The following PSMD6 variants were observed in gnomAD, a reference collection of about 807,000 sequenced individuals.
PSMD6 encodes proteasome 26S subunit, non-ATPase 6, also known as 26S proteasome non-ATPase regulatory subunit 6.
Under a neutral mutation model 44.9 loss-of-function variants are expected in PSMD6, and 7 were observed. The observed-to-expected ratio is 0.16, with a 90% CI of 0.09 to 0.29. The LOEUF is 0.29. Among genes scored for constraint, PSMD6 ranks in the 10% least tolerant of loss-of-function variants. PSMD6 has a pLI of 1.00. For missense variants in PSMD6, 420 were observed against 482.6 expected, an observed-to-expected ratio of 0.87 and a Z score of 1.21; for synonymous variants, 184 against 172.7, an observed-to-expected ratio of 1.07 and a Z score of -0.51.
intron 5 of PSMD6, chr3:64,016,481 G>A (rs1459643630): frequency 6.6e-6 from 1 of 151,702 alleles, no homozygotes; most frequent in African/African-American, 2.4e-5. Flanking sequence ...CATAAGTTCT[G>A]CTCCCAGAAA....
Position 64,018,877 on chromosome 3 carries a change from C to G in PSMD6, c.658G>C (p.Val220Leu). The change falls in exon 4 of 8, where the codon GTG (valine) becomes CTG (leucine). Residue 220 changes from valine to leucine, a missense_variant. By Grantham distance (32) the Val-to-Leu change is conservative. Around this residue, in one of 4 missense-constraint regions of PSMD6, gnomAD observed 216 missense variants for 227.0 expected, o/e 0.95. Transcript: ENST00000295901. ...SYELMDYKTF[V>L]TYTVYVSMIA... ...ATACTGACATAGACAGTATAAGTCA[C>G]AAATGTTTTATAATCCATGAGTTCA... 1 of 1,599,418 alleles carries G rather than the reference C, an allele frequency of 6.3e-7. No homozygotes were observed. Among genetic ancestry groups the G allele is most frequent in the South Asian group, 1.1e-5 (1 of 90,746 alleles).
At chr3:64,022,249 C>T (rs2076144197) in intron 2 of PSMD6, 69 bp downstream of exon 2, 2 of 1,518,968 alleles carry the variant, frequency 1.3e-6, no homozygotes, top group East Asian at 2.3e-5. Context: ...TAATGAGAAA[C>T]GATTACCTGG....
In PSMD6 at chr3:64,018,368, A is replaced by C. The variant is rs147982279; in HGVS notation, c.826+231T>G. On this transcript the variant is annotated intron_variant, in intron 5 of 7. Transcript: ENST00000295901. ...TCCGTCACATCCTCCTTTTTTAAAC[A>C]ACACTTTAAAAATGTAAAAATCATT... The C allele has an allele frequency of 1.1e-5, 4 of 365,650 alleles. No individual in the cohort carries two copies. In the East Asian group the frequency reaches 1.9e-4, roughly 18 times the overall value. 22.7% of individuals were successfully genotyped at this position (365,650 alleles called of 1,614,324 possible).
chr3:64,022,566 C>G, intron 1 of PSMD6, 43 bp from the exon 2 acceptor site: 4 of 1,608,970 alleles, frequency 2.5e-6, no homozygotes, highest in Non-Finnish European at 3.4e-6. Context: ...GACACTTGTG[C>G]CCTCAAGTCA....
chr3:64,019,569 TAAC>T, intron 2 of PSMD6, 128 bp from the exon 3 acceptor site: 1 of 891,114 alleles, frequency 1.1e-6, no homozygotes, highest in Non-Finnish European at 1.7e-6. Context: ...AGATGGCCAT[TAAC>T]TGTTAATTGT....
At chr3:64,019,835 A>G (rs530217948) in intron 2 of PSMD6, 3 of 159,088 alleles carry the variant, frequency 1.9e-5, no homozygotes, top group Non-Finnish European at 4.1e-5. Flanking sequence ...CGCTATTAGA[A>G]TATGACTAAA....
At chr3:64,021,662 T>A (rs1044548594) in intron 2 of PSMD6, among the ~76,000 whole-genome samples, 3 of 151,892 alleles carry the variant, frequency 2.0e-5, no homozygotes, top group African/African-American at 7.3e-5. Context: ...TACAAAAAAA[T>A]TAGCTGGGTG....
chr3:64,022,934 G>A (rs2076156267), intron 1 of PSMD6: 3 of 1,442,010 alleles, frequency 2.1e-6, no homozygotes, highest in East Asian at 2.5e-5. Flanking sequence ...CTCTCCCACA[G>A]GAATACCCCG....
At chr3:64,023,195 C>CA (rs901889293) in intron 1 of PSMD6, 80 bp downstream of exon 1, 710 of 1,466,804 alleles carry the variant, frequency 4.8e-4, no homozygotes, top group Middle Eastern at 1.2e-3. Context: ...GGAGCTCCAT[C>CA]AAAAAAAGTC....
At chr3:64,012,816 C>T (rs1317517820) in intron 6 of PSMD6, 1 of 152,196 alleles carries the variant, frequency 6.6e-6, no homozygotes, top group African/African-American at 2.4e-5. Context: ...GCATGCCGTA[C>T]GTAAGGATAG....
Position 64,011,215 on chromosome 3 carries a change from G to A in PSMD6, c.996-260C>T, listed in dbSNP as rs1443270241. The A allele has an allele frequency of 9.8e-6, 3 of 307,614 alleles. No individual in the cohort carries two copies. In the East Asian group the frequency reaches 1.7e-4, roughly 17 times the overall value. 19.1% of individuals were successfully genotyped at this position (307,614 alleles called of 1,614,324 possible). ...AACAATGAAACCATATGTACTCAGA[G>A]AAAAACTGTAGGTTAGGAAAAATTA... On this transcript the variant is annotated intron_variant, in intron 6 of 7. Transcript: ENST00000295901.
intron 3 of PSMD6, 100 bp from the exon 4 acceptor site, chr3:64,019,137 T>C (rs1213339519): frequency 1.4e-6 from 2 of 1,407,184 alleles, no homozygotes; most frequent in East Asian, 2.3e-5. Flanking sequence ...TTTTAACAAC[T>C]TGAACCGAAA....
At position 64,019,284 on chromosome 3, in the gene PSMD6, C is replaced by A; in HGVS notation, c.497+12G>T. On this transcript the variant is annotated intron_variant, in intron 3 of 7. Coordinates refer to ENST00000295901, the MANE Select transcript of PSMD6 (RefSeq NM_014814.3). ...AATTTAGAGAAAATATAATCCCACC[C>A]TTAGAAAGTACCTTTTGGCCTTTTC... 6.4e-7 allele frequency: 1 copy of A among 1,562,372 alleles called. No homozygotes were observed. Among genetic ancestry groups the A allele is most frequent in the Non-Finnish European group, 8.8e-7 (1 of 1,133,804 alleles).
chr3:64,023,869 A>G (rs1360070998), upstream of PSMD6: 1 of 1,446,320 alleles, frequency 6.9e-7, no homozygotes, highest in East Asian at 2.5e-5. Flanking sequence ...GCGAGGTAGT[A>G]CTATTAGCCT....
Position 64,010,564 on chromosome 3 carries a change from A to G in PSMD6, c.*104T>C. The stretch of plus-strand genomic sequence containing the variant: ...AAAAAATAAATGGAAAGAAACAACA[A>G]TGCAGTATTTATTTTATACAGCTGA... On this transcript the variant is annotated 3_prime_UTR_variant, in exon 8 of 8. Transcript: ENST00000295901. The G allele has an allele frequency of 2.6e-6, 2 of 767,526 alleles. No homozygotes were observed. The highest frequency in any genetic ancestry group is 3.8e-4 in the Middle Eastern group (1 of 2,600). 47.5% of individuals were successfully genotyped at this position (767,526 alleles called of 1,614,324 possible).
Position 64,018,939 on chromosome 3 carries a change from T to A in PSMD6, c.596A>T (p.Glu199Val), listed in dbSNP as rs1230316248. The change falls in exon 4 of 8, where the codon GAA becomes GTA. Residue 199 changes from glutamate to valine, a missense_variant. Around this residue, in one of 4 missense-constraint regions of PSMD6, gnomAD observed 216 missense variants for 227.0 expected, o/e 0.95. Transcript: ENST00000295901. ...TGTTGAAACAGTGTCAAGGAAGAGT[T>A]CAGCTGCCTGTTTGAAATCACGAAT... ...VAIRDFKQAA[E>V]LFLDTVSTFT... 1 of 1,608,602 alleles carries A rather than the reference T, an allele frequency of 6.2e-7. No individual in the cohort carries two copies. Among genetic ancestry groups the A allele is most frequent in the African/African-American group, 1.3e-5 (1 of 74,872 alleles).
At chr3:64,015,437 T>C (rs1209495867) in intron 5 of PSMD6, 2 of 152,162 alleles carry the variant, frequency 1.3e-5, no homozygotes, top group African/African-American at 2.4e-5. Context: ...AGAGGATAAA[T>C]TATGGCATAG....
chr3:64,014,316 AG>A (rs1302718391), intron 5 of PSMD6: 2 of 152,192 alleles, frequency 1.3e-5, no homozygotes, highest in African/African-American at 4.8e-5. Context: ...GCAGTGAACC[AG>A]AAGACAAGAC....
rs571187628 is a variant in PSMD6 at position 64,010,554 on chromosome 3, A to G, written c.*114T>C. 2.4e-5 allele frequency: 17 copies of G among 712,294 alleles called. No individual in the cohort carries two copies. The highest frequency in any genetic ancestry group is 3.5e-5 in the Non-Finnish European group (16 of 453,070). The allele number at this position is 712,294 out of a possible 1,614,324, so 44.1% of individuals were successfully genotyped here. On this transcript the variant is annotated 3_prime_UTR_variant, in exon 8 of 8. Coordinates refer to ENST00000295901, the MANE Select transcript of PSMD6 (RefSeq NM_014814.3). ...GTGTTTAAGAAAAAAATAAATGGAA[A>G]GAAACAACAATGCAGTATTTATTTT...
Sources: gnomAD v4.1 joint callset for allele counts (sites outside exome capture counted in the v4.1 genomes callset) on GRCh38, gnomAD v4.1.1 for gene constraint, gnomAD v4.1.1 regional missense constraint, MANE v1.5 for transcripts, NCBI Gene and HGNC (gene_info 2026-07-23, HGNC 2026-07-21) for gene names.